The following ZDHHC8 variants were observed in gnomAD, a reference collection of about 807,000 sequenced individuals.
ZDHHC8 encodes the protein palmitoyltransferase ZDHHC8.
ZDHHC8 carries 24 observed loss-of-function variants against 61.2 expected under a neutral mutation model. That is an observed-to-expected ratio of 0.39 (90% CI 0.28 to 0.55). The LOEUF (loss-of-function observed/expected upper bound fraction) is 0.55, where lower values mean the gene tolerates loss of function less well. ZDHHC8 is among the 20% of genes least tolerant of loss of function. ZDHHC8 has a pLI of 0.60. For missense variants in ZDHHC8, 935 were observed against 1,102.1 expected (o/e 0.85, Z 2.15); for synonymous variants, 523 against 492.5 (o/e 1.06, Z -0.82).
rs908066028 is a variant in ZDHHC8 at position 20,131,872 on chromosome 22, C to CGCCCGACCCCG, written c.-61_-51dup. On this transcript the variant is annotated 5_prime_UTR_variant, in exon 1 of 11. Transcript: ENST00000334554. ...GGTCCTGCGCCGCGTCCAGCCCGCC[C>CGCCCGACCCCG]GCCCGACCCCGGCCCGACCCCGGCC... 21 of 406,490 alleles carry CGCCCGACCCCG rather than the reference C, an allele frequency of 5.2e-5. No individual in the cohort carries two copies. The highest frequency in any genetic ancestry group is 1.2e-3 in the Middle Eastern group (1 of 858). 25.2% of individuals were successfully genotyped at this position (406,490 alleles called of 1,614,324 possible).
chr22:20,140,255 C>G (rs374294831), intron 5 of ZDHHC8, 38 bp downstream of exon 5: 6 of 1,585,896 alleles, frequency 3.8e-6, no homozygotes. Context: ...CCCAAAGGGC[C>G]GAGAGAGTTG....
rs531629256 is a variant in ZDHHC8 at position 20,141,755 on chromosome 22, A to G, written c.1125+225A>G. Among the ~76,000 whole-genome samples, 130 of 152,280 alleles carry G rather than the reference A, an allele frequency of 8.5e-4. 1 individual carries two copies. The highest frequency in any genetic ancestry group is 1.8e-3 in the Non-Finnish European group (121 of 67,996). ...GTGTGCACCCAGAGCTGGGACCCAC[A>G]GAGGGGAGCAGGGTGTCCTGGGAGG... On this transcript the variant is annotated intron_variant, in intron 9 of 10. Transcript: ENST00000334554.
chr22:20,142,816 T>C lies in ZDHHC8; in HGVS notation c.1186T>C (p.Ser396Pro), dbSNP rs2050482087. 2 of 1,612,588 alleles carry C rather than the reference T, an allele frequency of 1.2e-6. No individual in the cohort carries two copies. Among genetic ancestry groups the C allele is most frequent in the Non-Finnish European group, 1.7e-6 (2 of 1,179,934 alleles). Residue 396 changes from serine (S) to proline (P), a missense_variant, in exon 10 of 11, where the codon TCC becomes CCC. By Grantham distance (74) the Ser-to-Pro change is moderately conservative (BLOSUM62 -1). This residue lies in a region of ZDHHC8 where 692 missense variants were observed against 731.4 expected (regional missense o/e 0.95). Coordinates refer to ENST00000334554, the MANE Select transcript of ZDHHC8 (RefSeq NM_013373.4). ...DDSIRSLDFVSEPSLDLPDYG... is the reference protein window; with the variant it reads ...DDSIRSLDFVPEPSLDLPDYG... ...CAGCATCCGTAGCCTGGACTTTGTG[T>C]CCGAGCCGAGCCTGGACCTCCCTGA... is the stretch of plus-strand genomic sequence containing the variant.
chr22:20,143,547 G>T lies in ZDHHC8; in HGVS notation c.1917G>T (p.Pro639=). The T allele has an allele frequency of 6.3e-7, 1 of 1,596,850 alleles. No homozygotes were observed. Among genetic ancestry groups the T allele is most frequent in the East Asian group, 2.2e-5 (1 of 44,676 alleles). The change falls in exon 10 of 11, where the codon CCG becomes CCT. Residue 639 remains proline, a synonymous_variant. Coordinates refer to ENST00000334554, the MANE Select transcript of ZDHHC8 (RefSeq NM_013373.4). ...TGTCCAGCTCCGTGAGCCGTGCACC[G>T]CGGACGTCGTCCTCCTCCCTGCAGG... ...SSLSSSVSRA[P]RTSSSSLQAD... is the part of the protein sequence containing the mutation.
chr22:20,140,506 A>T, intron 5 of ZDHHC8, 111 bp from the exon 6 acceptor site: 1 of 1,192,814 alleles, frequency 8.4e-7, no homozygotes, highest in Non-Finnish European at 1.1e-6. Context: ...CACCTAAGCC[A>T]CTTCCCGCAA....
At chr22:20,135,439 CTGCCTGGCAGGCTGCCAG>C (rs1469627973) in intron 1 of ZDHHC8, among the ~76,000 whole-genome samples, 1 of 152,246 alleles carries the variant, frequency 6.6e-6, no homozygotes, top group African/African-American at 2.4e-5. Context: ...AGGGCTGGGG[CTGCCTGGCAGGCTGCCAG>C]TGCCTGGGGC....
At chr22:20,140,516 AG>A in intron 5 of ZDHHC8, 100 bp from the exon 6 acceptor site, 1 of 1,258,852 alleles carries the variant, frequency 7.9e-7, no homozygotes, top group Non-Finnish European at 1.1e-6. Context: ...ACTTCCCGCA[AG>A]TATCAGCTTC....
At chr22:20,135,822 C>T (rs1453603130) in intron 1 of ZDHHC8, among the ~76,000 whole-genome samples, 1 of 152,266 alleles carries the variant, frequency 6.6e-6, no homozygotes, top group Non-Finnish European at 1.5e-5. Flanking sequence ...CTGACAAGGG[C>T]GCAGCAGCTT....
At chr22:20,134,813 A>G (rs545455719) in intron 1 of ZDHHC8, among the ~76,000 whole-genome samples, 1 of 152,226 alleles carries the variant, frequency 6.6e-6, no homozygotes, top group Non-Finnish European at 1.5e-5. Flanking sequence ...ACATCTCTCT[A>G]GGAGGGTCTG....
At position 20,131,932 on chromosome 22, in the gene ZDHHC8, C is replaced by A; in HGVS notation, c.-16C>A. The A allele has an allele frequency of 1.8e-6, 2 of 1,124,110 alleles. No homozygotes were observed. Among genetic ancestry groups the A allele is most frequent in the Admixed American group, 4.2e-5 (1 of 23,966 alleles). 69.6% of individuals were successfully genotyped at this position (1,124,110 alleles called of 1,614,324 possible). On this transcript the variant is annotated 5_prime_UTR_variant, in exon 1 of 11. Coordinates refer to ENST00000334554, the MANE Select transcript of ZDHHC8 (RefSeq NM_013373.4). ...CGCCCGGCCCCGGGGAGGGATGCGG[C>A]GGCGCGGCGCCCAGGATGCCCCGCA...
intron 10 of ZDHHC8, among the ~76,000 whole-genome samples, chr22:20,144,886 C>A (rs1295721846): frequency 3.9e-5 from 6 of 152,202 alleles, no homozygotes; most frequent in Admixed American, 3.9e-4. Context: ...GCTCCCAGTG[C>A]AGGGCACGGC....
At position 20,140,678 on chromosome 22, in the gene ZDHHC8, A is replaced by G; in HGVS notation, c.722A>G (p.Glu241Gly). The change falls in exon 6 of 11, where the codon GAG becomes GGG. Residue 241 changes from glutamate (E) to glycine (G), a missense_variant. Glu to Gly is a moderately conservative substitution (Grantham distance 98). Around this residue, in one of 3 missense-constraint regions of ZDHHC8, gnomAD observed 199 missense variants for 334.0 expected, o/e 0.60. Coordinates refer to ENST00000334554, the MANE Select transcript of ZDHHC8 (RefSeq NM_013373.4). ...PFTRGCCGNV[E>G]HVLCSPLAPR... Reference sequence around the variant, plus strand: ...ACCCGAGGCTGCTGTGGGAATGTGGAGCACGTGCTGTGTAGCCCCCTGGCG... The same window carrying G: ...ACCCGAGGCTGCTGTGGGAATGTGGGGCACGTGCTGTGTAGCCCCCTGGCG... 6.2e-7 allele frequency: 1 copy of G among 1,611,922 alleles called. No homozygotes were observed. The highest frequency in any genetic ancestry group is 8.5e-7 in the Non-Finnish European group (1 of 1,179,664).
rs1212318419 is a variant in ZDHHC8, at chr22:20,147,485, C to A, written c.*2085C>A. 8 of 383,746 alleles carry A rather than the reference C, an allele frequency of 2.1e-5. No individual in the cohort carries two copies. The East Asian group carries it at 2.8e-4, about 14-fold the overall frequency. 23.8% of individuals were successfully genotyped at this position (383,746 alleles called of 1,614,324 possible). A position where few individuals can be genotyped will look rare whatever the true frequency, so the allele number is the denominator to read the frequency against. ...CCCAGAGCTGTGGGGACCGGCACGACCTTTGCCCAGCCTCCCTACCCAACC... is the reference window on the plus strand; with the variant it reads ...CCCAGAGCTGTGGGGACCGGCACGAACTTTGCCCAGCCTCCCTACCCAACC... On this transcript the variant is annotated 3_prime_UTR_variant, in exon 11 of 11. Transcript: ENST00000334554.
At chr22:20,136,908 C>G (rs1046368060) in intron 1 of ZDHHC8, among the ~76,000 whole-genome samples, 3 of 152,222 alleles carry the variant, frequency 2.0e-5, no homozygotes, top group African/African-American at 7.2e-5. Flanking sequence ...TCTGTAGGTG[C>G]CTGCGTGTGC....
intron 10 of ZDHHC8, among the ~76,000 whole-genome samples, chr22:20,144,405 C>T (rs558982276): frequency 5.3e-5 from 8 of 152,336 alleles, no homozygotes; most frequent in African/African-American, 1.7e-4. Context: ...GAGAGCTGCA[C>T]ACCTGCTGGG....
chr22:20,143,742 G>A lies in ZDHHC8; in HGVS notation c.2112G>A (p.Ser704=), dbSNP rs775535743. The A allele has an allele frequency of 5.0e-6, 8 of 1,608,126 alleles. No individual in the cohort carries two copies. Among genetic ancestry groups the A allele is most frequent in the East Asian group, 4.5e-5 (2 of 44,836 alleles). The change falls in exon 10 of 11, where the codon TCG becomes TCA. Residue 704 remains serine, a synonymous_variant. Transcript: ENST00000334554. ...CGGACCTCCCAGAGCCACCGCCCTC[G>A]CTGACCGTGCAGAGGTGGGTGCCGG... ...IHTDLPEPPP[S]LTVQRDHPQL...
At chr22:20,137,137 A>G (rs559476310) in intron 1 of ZDHHC8, among the ~76,000 whole-genome samples, 2 of 152,350 alleles carry the variant, frequency 1.3e-5, no homozygotes, top group South Asian at 2.1e-4. Flanking sequence ...GGGCCCTCAC[A>G]GGCATGTGGC....
At chr22:20,144,145 G>T (rs2050501262) in intron 10 of ZDHHC8, among the ~76,000 whole-genome samples, 1 of 152,144 alleles carries the variant, frequency 6.6e-6, no homozygotes, top group Non-Finnish European at 1.5e-5. Flanking sequence ...TCCACCCAGG[G>T]CTCTCCCTGG....
intron 1 of ZDHHC8, among the ~76,000 whole-genome samples, chr22:20,138,304 G>T (rs2050438508): frequency 6.6e-6 from 1 of 152,252 alleles, no homozygotes; most frequent in Non-Finnish European, 1.5e-5. Context: ...CTGTCTCAGG[G>T]TGCGCAGGGG....
Sources: gnomAD v4.1 joint callset for allele counts (sites outside exome capture counted in the v4.1 genomes callset) on GRCh38, gnomAD v4.1.1 for gene constraint, gnomAD v4.1.1 regional missense constraint, MANE v1.5 for transcripts, NCBI Gene and HGNC (gene_info 2026-07-23, HGNC 2026-07-21) for gene names.